KCNQ5: variants seen among roughly 807,000 people sequenced by gnomAD.
The protein encoded by KCNQ5 is potassium voltage-gated channel subfamily Q member 5, also known as potassium voltage-gated channel subfamily KQT member 5.
Under a neutral mutation model 98.2 loss-of-function variants are expected in KCNQ5, and 30 were observed. That is an observed-to-expected ratio of 0.31 (90% confidence interval 0.23 to 0.41). The LOEUF (loss-of-function observed/expected upper bound fraction) is 0.41. Ranked by LOEUF, KCNQ5 falls within the 10% of genes least tolerant of loss-of-function variation. KCNQ5 has a pLI of 1.00. For synonymous variants in KCNQ5, 458 were observed against 449.4 expected, an observed-to-expected ratio of 1.02 and a Z score of -0.24; for missense variants, 835 against 1,182.5, an observed-to-expected ratio of 0.71 and a Z score of 4.31.
intron 1 of KCNQ5, among the ~76,000 whole-genome samples, chr6:72,947,548 G>C (rs1231133767): frequency 6.6e-6 from 1 of 152,082 alleles, no homozygotes; most frequent in African/African-American, 2.4e-5. Context: ...AATACCAATG[G>C]AAGTGTTGAA....
intron 2 of KCNQ5, 138 bp from the exon 3 acceptor site, chr6:73,041,798 G>A: frequency 1.1e-6 from 1 of 927,702 alleles, no homozygotes; most frequent in Non-Finnish European, 1.7e-6. Context: ...TCTGGAGAAA[G>A]GAAATGTTCT....
chr6:72,692,115 T>C (rs1382294864), intron 1 of KCNQ5, among the ~76,000 whole-genome samples: 1 of 152,252 alleles, frequency 6.6e-6, no homozygotes, highest in African/African-American at 2.4e-5. Context: ...AACTTCATTG[T>C]ATCCTAGGCA....
intron 1 of KCNQ5, among the ~76,000 whole-genome samples, chr6:72,690,424 C>T (rs1768156982): frequency 6.6e-6 from 1 of 152,116 alleles, no homozygotes; most frequent in Non-Finnish European, 1.5e-5. Context: ...CTTCTCTTTG[C>T]CTCATCTCCC....
chr6:73,083,815 T>G (rs557242957), intron 5 of KCNQ5, among the ~76,000 whole-genome samples: 3 of 152,226 alleles, frequency 2.0e-5, no homozygotes, highest in Non-Finnish European at 4.4e-5. Context: ...ATAAGAACAT[T>G]TATTTTACAT....
At chr6:72,751,253 A>G (rs1771668090) in intron 1 of KCNQ5, among the ~76,000 whole-genome samples, 1 of 151,848 alleles carries the variant, frequency 6.6e-6, no homozygotes, top group African/African-American at 2.4e-5. Flanking sequence ...CAAGGCATGG[A>G]CTCAAGAAAG....
chr6:73,153,807 A>G (rs1265721070), intron 10 of KCNQ5, among the ~76,000 whole-genome samples: 1 of 152,080 alleles, frequency 6.6e-6, no homozygotes, highest in Non-Finnish European at 1.5e-5. Flanking sequence ...CAAGAATGTC[A>G]TAATACTAAA....
chr6:72,713,821 G>T (rs12215865), intron 1 of KCNQ5, among the ~76,000 whole-genome samples: 19,417 of 152,168 alleles, frequency 0.13, 1,328 homozygotes, highest in South Asian at 0.18. Flanking sequence ...CACTTAAGAT[G>T]ATATTCCCAG....
intron 1 of KCNQ5, among the ~76,000 whole-genome samples, chr6:72,883,334 T>C (rs1289713873): frequency 6.6e-6 from 1 of 151,956 alleles, no homozygotes; most frequent in Non-Finnish European, 1.5e-5. Context: ...TGTTGTTGTT[T>C]TCTGGGTGTG....
At chr6:72,855,668 A>G (rs552668750) in intron 1 of KCNQ5, among the ~76,000 whole-genome samples, 1 of 152,288 alleles carries the variant, frequency 6.6e-6, no homozygotes, top group Non-Finnish European at 1.5e-5. Context: ...TGGGGGAGAA[A>G]GCACTATTAT....
chr6:73,058,174 A>C (rs1772609877), intron 3 of KCNQ5, among the ~76,000 whole-genome samples: 1 of 152,212 alleles, frequency 6.6e-6, no homozygotes, highest in Non-Finnish European at 1.5e-5. Flanking sequence ...GCACTTTGGG[A>C]GGCCGAGGCA....
At chr6:72,651,392 A>G (rs1250905442) in intron 1 of KCNQ5, among the ~76,000 whole-genome samples, 1 of 152,104 alleles carries the variant, frequency 6.6e-6, no homozygotes, top group Admixed American at 6.6e-5. Flanking sequence ...GGAAAAAACA[A>G]CATAGCAGAA....
intron 1 of KCNQ5, among the ~76,000 whole-genome samples, chr6:72,674,317 T>C (rs1030430213): frequency 1.3e-5 from 2 of 152,010 alleles, no homozygotes; most frequent in African/African-American, 4.8e-5. Flanking sequence ...ATTCAAGAGA[T>C]GCTAAATGGA....
chr6:73,158,420 C>T (rs1449967842), intron 10 of KCNQ5, among the ~76,000 whole-genome samples: 1 of 152,020 alleles, frequency 6.6e-6, no homozygotes, highest in Non-Finnish European at 1.5e-5. Flanking sequence ...GCGCCCACCA[C>T]CACGCCTGGC....
intron 1 of KCNQ5, among the ~76,000 whole-genome samples, chr6:72,938,671 C>A (rs904636697): frequency 1.3e-5 from 2 of 152,136 alleles, no homozygotes; most frequent in Admixed American, 6.5e-5. Context: ...AGGCACGAGT[C>A]ACCACGCCCA....
intron 3 of KCNQ5, among the ~76,000 whole-genome samples, chr6:73,070,054 CA>C (rs1469682848): frequency 3.3e-5 from 5 of 151,930 alleles, no homozygotes; most frequent in African/African-American, 1.2e-4. Context: ...GTAAACCACT[CA>C]GTAGATATGA....
At chr6:73,060,692 G>A (rs540158692) in intron 3 of KCNQ5, among the ~76,000 whole-genome samples, 1 of 151,974 alleles carries the variant, frequency 6.6e-6, no homozygotes, top group Non-Finnish European at 1.5e-5. Flanking sequence ...TAGAAATCAA[G>A]AAAAACCCAA....
chr6:73,153,766 ATTAT>A (rs1362171305), intron 10 of KCNQ5, among the ~76,000 whole-genome samples: 1 of 152,104 alleles, frequency 6.6e-6, no homozygotes, highest in African/African-American at 2.4e-5. Flanking sequence ...GAGTACTAAG[ATTAT>A]TTATTCTAGG....
intron 1 of KCNQ5, among the ~76,000 whole-genome samples, chr6:72,833,103 A>G (rs1776354343): frequency 6.6e-6 from 1 of 152,184 alleles, no homozygotes; most frequent in Admixed American, 6.5e-5. Flanking sequence ...ATTCATTGTG[A>G]TAAAATTGGA....
chr6:72,741,447 G>T (rs1771125383), intron 1 of KCNQ5, among the ~76,000 whole-genome samples: 1 of 152,138 alleles, frequency 6.6e-6, no homozygotes, highest in African/African-American at 2.4e-5. Flanking sequence ...TCGTAGGGCA[G>T]TGTTTCTCAA....
Sources: allele counts gnomAD v4.1 joint callset (sites outside exome capture counted in the v4.1 genomes callset), GRCh38; gene constraint gnomAD v4.1.1; transcripts MANE v1.5; gene names NCBI Gene and HGNC (gene_info 2026-07-23, HGNC 2026-07-21).